Variants in PEX5L observed in about 807,000 individuals in gnomAD.
PEX5L encodes PEX5-related protein.
Under a neutral mutation model 84.0 loss-of-function variants are expected in PEX5L, and 30 were observed. The observed-to-expected ratio is 0.36, with a 90% CI of 0.27 to 0.48. PEX5L has a LOEUF of 0.48. Among genes scored for constraint, PEX5L ranks in the 20% least tolerant of loss-of-function variants. The pLI is 0.99. For synonymous variants in PEX5L, 270 were observed against 283.1 expected (o/e 0.95, Z 0.46); for missense variants, 533 against 754.6 (o/e 0.71, Z 3.44).
chr3:179,806,799 A>C (rs1456549692), intron 14 of PEX5L, among the ~76,000 whole-genome samples: 1 of 152,212 alleles, frequency 6.6e-6, no homozygotes, highest in Non-Finnish European at 1.5e-5. Context: ...GAAGAAATTG[A>C]GGCTAAAAAT....
At chr3:179,922,883 T>C (rs1339198135) in intron 2 of PEX5L, among the ~76,000 whole-genome samples, 2 of 152,220 alleles carry the variant, frequency 1.3e-5, no homozygotes, top group Non-Finnish European at 2.9e-5. Flanking sequence ...AGATCAGCCT[T>C]GCCTTTCATG....
chr3:179,826,573 G>C (rs1210413969), intron 8 of PEX5L, among the ~76,000 whole-genome samples: 1 of 152,134 alleles, frequency 6.6e-6, no homozygotes, highest in Non-Finnish European at 1.5e-5. Context: ...TGGTGACTAG[G>C]GCTCCTTTAC....
chr3:179,929,415 A>G lies in PEX5L; in HGVS notation c.94-31169T>C, dbSNP rs1333979645. Among the ~76,000 whole-genome samples, 4 of 151,492 alleles carry G rather than the reference A, an allele frequency of 2.6e-5. No homozygotes were observed. In the South Asian group the frequency reaches 6.2e-4, roughly 24 times the overall value. ...GCTAAGTATAAAGAATTTTGCATTT[A>G]TTTTCAGTCCATATTCTGTATTACA... On this transcript the variant is annotated intron_variant, in intron 2 of 14. Coordinates refer to ENST00000467460, the MANE Select transcript of PEX5L (RefSeq NM_016559.3).
intron 2 of PEX5L, chr3:179,900,651 T>C (rs1156852543): frequency 6.6e-7 from 1 of 1,512,158 alleles, no homozygotes; most frequent in Admixed American, 2.0e-5. Context: ...GCTTTTTATT[T>C]CTTGCAGAAA....
chr3:179,860,023 T>G (rs990626533), intron 7 of PEX5L, among the ~76,000 whole-genome samples: 3 of 151,834 alleles, frequency 2.0e-5, no homozygotes, highest in Admixed American at 6.5e-5. Context: ...TATTGTAATA[T>G]GTACAGTAAT....
intron 1 of PEX5L, among the ~76,000 whole-genome samples, chr3:179,976,915 T>C (rs1209382518): frequency 6.6e-6 from 1 of 152,124 alleles, no homozygotes; most frequent in Non-Finnish European, 1.5e-5. Flanking sequence ...AGTGAAAATA[T>C]AGATACCAGA....
chr3:179,852,407 C>T (rs1400208706), intron 8 of PEX5L, among the ~76,000 whole-genome samples: 1 of 152,166 alleles, frequency 6.6e-6, no homozygotes, highest in Non-Finnish European at 1.5e-5. Flanking sequence ...CCATGACTTC[C>T]ACTTTATTCT....
At chr3:179,922,779 T>C (rs1449986811) in intron 2 of PEX5L, among the ~76,000 whole-genome samples, 1 of 152,026 alleles carries the variant, frequency 6.6e-6, no homozygotes. Flanking sequence ...ATATCATATG[T>C]CTGTTTGAAG....
chr3:179,958,989 T>C (rs1239896402), intron 2 of PEX5L, among the ~76,000 whole-genome samples: 1 of 151,614 alleles, frequency 6.6e-6, no homozygotes, highest in African/African-American at 2.4e-5. Flanking sequence ...ATCGCGCTGC[T>C]GCATTCCAGC....
chr3:179,835,133 C>T (rs781375664), intron 8 of PEX5L, among the ~76,000 whole-genome samples: 7 of 152,146 alleles, frequency 4.6e-5, no homozygotes, highest in Non-Finnish European at 1.0e-4. Context: ...GCTGAAAAAG[C>T]CAGTTCCTGA....
chr3:180,029,499 C>T (rs9833738), intron 1 of PEX5L, among the ~76,000 whole-genome samples: 26,355 of 152,112 alleles, frequency 0.17, 2,894 homozygotes, highest in African/African-American at 0.32. Context: ...AAAACTACAA[C>T]AAATTGGCTG....
intron 3 of PEX5L, among the ~76,000 whole-genome samples, chr3:179,895,015 T>G (rs1758778795): frequency 1.3e-5 from 2 of 152,140 alleles, no homozygotes; most frequent in Non-Finnish European, 2.9e-5. Context: ...CCTTCTATTC[T>G]CAAATTGAAT....
chr3:179,848,492 G>C (rs1215357300), intron 8 of PEX5L, among the ~76,000 whole-genome samples: 1 of 144,626 alleles, frequency 6.9e-6, no homozygotes, highest in Admixed American at 7.1e-5. Flanking sequence ...AGGCGAGGCT[G>C]AACTGAACTG....
In PEX5L at chr3:179,985,072, T is replaced by C. The variant is rs139943167; in HGVS notation, c.22-13407A>G. ...CAACGTAGACTATGCACTTCTGCTC[T>C]TGTACAATCAAAGCAAGGGCTGAGT... On this transcript the variant is annotated intron_variant, in intron 1 of 14. Transcript: ENST00000467460. 3.0e-3 allele frequency among the ~76,000 whole-genome samples: 451 copies of C among 152,352 alleles called. 2 individuals carry two copies. Among genetic ancestry groups the C allele is most frequent in the African/African-American group, 0.01 (430 of 41,586 alleles).
At position 179,815,841 on chromosome 3, in the gene PEX5L, G is replaced by A; in HGVS notation, c.1083+20C>T. ...GCACATGCCCTTTCTGAGTCTGGCA[G>A]AATGAAGGGAGAATGACACCTCTGC... On this transcript the variant is annotated intron_variant, in intron 10 of 14. Transcript: ENST00000467460. 6.2e-7 allele frequency: 1 copy of A among 1,613,442 alleles called. No homozygotes were observed. The highest frequency in any genetic ancestry group is 8.5e-7 in the Non-Finnish European group (1 of 1,179,596).
intron 7 of PEX5L, among the ~76,000 whole-genome samples, chr3:179,866,597 C>T (rs57376419): frequency 0.25 from 37,771 of 152,056 alleles, 5,694 homozygotes; most frequent in Non-Finnish European, 0.33. Flanking sequence ...CCAGGTGTGA[C>T]TTTTAGAGAA....
intron 2 of PEX5L, among the ~76,000 whole-genome samples, chr3:179,941,909 T>A (rs1421194060): frequency 6.7e-6 from 1 of 149,044 alleles, no homozygotes; most frequent in Non-Finnish European, 1.5e-5. Flanking sequence ...TAATCCCAGC[T>A]ACTTGGGAGG....
chr3:179,961,563 G>A (rs1163312189), intron 2 of PEX5L, among the ~76,000 whole-genome samples: 1 of 152,042 alleles, frequency 6.6e-6, no homozygotes. Flanking sequence ...GGCAGAGCGT[G>A]GGCATCTCAG....
Position 180,036,540 on chromosome 3 carries a change from C to T in PEX5L, c.21+39G>A, listed in dbSNP as rs200729896. The T allele has an allele frequency of 5.9e-3, 9,420 of 1,599,376 alleles. 59 individuals are homozygous for T. The highest frequency in any genetic ancestry group is 0.012 in the South Asian group (1,110 of 90,730). On this transcript the variant is annotated intron_variant, in intron 1 of 14. Coordinates refer to ENST00000467460, the MANE Select transcript of PEX5L (RefSeq NM_016559.3). ...GTGAACCGCCTTGCTCTTAAATTAG[C>T]CCCCAAGAATTCTCTCCAGCCCTAT... is the stretch of plus-strand genomic sequence containing the variant.
Sources: gnomAD v4.1 joint callset for allele counts (sites outside exome capture counted in the v4.1 genomes callset) on GRCh38, gnomAD v4.1.1 for gene constraint, MANE v1.5 for transcripts, NCBI Gene and HGNC (gene_info 2026-07-23, HGNC 2026-07-21) for gene names.